Variants in NLGN1 observed in about 807,000 individuals in gnomAD.
NLGN1 encodes the protein neuroligin 1.
In NLGN1, 12 loss-of-function variants were observed where a neutral mutation model predicts 65.5. That is an observed-to-expected ratio of 0.18 (90% CI 0.12 to 0.30). The LOEUF (loss-of-function observed/expected upper bound fraction) is 0.30, where lower values mean the gene tolerates loss of function less well. NLGN1 is among the 10% of genes least tolerant of loss of function. NLGN1 has a pLI of 1.00. For synonymous variants in NLGN1, 350 were observed against 359.5 expected, an observed-to-expected ratio of 0.97 and a Z score of 0.30; for missense variants, 750 against 1,007.1, an observed-to-expected ratio of 0.74 and a Z score of 3.46.
chr3:173,422,139 CTA>C (rs66883688), intron 1 of NLGN1, among the ~76,000 whole-genome samples: 41,385 of 148,006 alleles, frequency 0.28, 5,824 homozygotes, highest in Middle Eastern at 0.4. Context: ...ATATAGTACA[CTA>C]TATATACACA....
intron 4 of NLGN1, among the ~76,000 whole-genome samples, chr3:174,222,064 G>A (rs1483752935): frequency 6.6e-6 from 1 of 151,976 alleles, no homozygotes; most frequent in Admixed American, 6.6e-5. Context: ...AATTTTGGGG[G>A]GAATCTATTC....
At chr3:173,739,236 G>A (rs954005090) in intron 3 of NLGN1, among the ~76,000 whole-genome samples, 3 of 152,096 alleles carry the variant, frequency 2.0e-5, no homozygotes, top group African/African-American at 7.2e-5. Context: ...AGACCACATT[G>A]TGGGGGCCAG....
At chr3:174,199,008 A>G (rs1263255277) in intron 4 of NLGN1, among the ~76,000 whole-genome samples, 1 of 151,912 alleles carries the variant, frequency 6.6e-6, no homozygotes, top group Non-Finnish European at 1.5e-5. Flanking sequence ...CCACCACGCC[A>G]GGCTAATTTT....
chr3:174,115,847 A>T (rs528464339), intron 4 of NLGN1, among the ~76,000 whole-genome samples: 2 of 152,318 alleles, frequency 1.3e-5, no homozygotes, highest in East Asian at 3.9e-4. Flanking sequence ...TTATTTGCTC[A>T]ATGAAGATGT....
At chr3:173,539,393 ACAT>A (rs982441649) in intron 2 of NLGN1, among the ~76,000 whole-genome samples, 4 of 146,828 alleles carry the variant, frequency 2.7e-5, no homozygotes, top group African/African-American at 9.9e-5. Context: ...TATATAAAAA[ACAT>A]ATATATGTTA....
intron 4 of NLGN1, among the ~76,000 whole-genome samples, chr3:174,101,325 C>T (rs554592784): frequency 3.0e-4 from 46 of 152,124 alleles, no homozygotes; most frequent in Non-Finnish European, 5.7e-4. Flanking sequence ...GAGCATGAGA[C>T]GAAAAATTGT....
chr3:173,605,733 A>T (rs1577497408), intron 3 of NLGN1, 140 bp downstream of exon 3: 8 of 403,726 alleles, frequency 2.0e-5, no homozygotes, highest in South Asian at 9.8e-5. Context: ...CTGTCAAGGA[A>T]TATAAAGGTG....
chr3:173,712,502 G>T (rs1347581596), intron 3 of NLGN1, among the ~76,000 whole-genome samples: 1 of 152,100 alleles, frequency 6.6e-6, no homozygotes, highest in African/African-American at 2.4e-5. Flanking sequence ...TTCTGGCTCT[G>T]CCACTGACTA....
At chr3:173,883,115 C>A (rs1733650620) in intron 4 of NLGN1, among the ~76,000 whole-genome samples, 1 of 149,938 alleles carries the variant, frequency 6.7e-6, no homozygotes, top group Admixed American at 6.7e-5. Flanking sequence ...TTCACCCTAT[C>A]TTGACTTTTA....
chr3:174,019,429 G>A (rs912590339), intron 4 of NLGN1, among the ~76,000 whole-genome samples: 1 of 152,094 alleles, frequency 6.6e-6, no homozygotes, highest in Non-Finnish European at 1.5e-5. Flanking sequence ...ATAACAGTAA[G>A]AAGGCCCTCA....
chr3:173,811,631 G>A (rs553944368), intron 4 of NLGN1, among the ~76,000 whole-genome samples: 1 of 151,072 alleles, frequency 6.6e-6, no homozygotes, highest in South Asian at 2.1e-4. Flanking sequence ...TACTTGATGT[G>A]TTCTTAAAGG....
At chr3:174,148,590 C>T (rs1723774433) in intron 4 of NLGN1, among the ~76,000 whole-genome samples, 1 of 152,082 alleles carries the variant, frequency 6.6e-6, no homozygotes, top group African/African-American at 2.4e-5. Context: ...TAATCGTCTC[C>T]TCCTAATTAA....
At chr3:173,961,526 A>G (rs1458493278) in intron 4 of NLGN1, among the ~76,000 whole-genome samples, 2 of 152,090 alleles carry the variant, frequency 1.3e-5, no homozygotes, top group East Asian at 1.9e-4. Flanking sequence ...TCATTGGAAT[A>G]TATGGATATG....
chr3:174,067,459 C>T lies in NLGN1; in HGVS notation c.647-207856C>T, dbSNP rs142938924. 2.6e-5 allele frequency among the ~76,000 whole-genome samples: 4 copies of T among 152,244 alleles called. No individual in the cohort carries two copies. The East Asian group carries it at 7.7e-4, about 29-fold the overall frequency. On this transcript the variant is annotated intron_variant, in intron 4 of 6. Transcript: ENST00000457714. ...AAATTAGAGAAGGTATTTACAGTGG[C>T]ATTTGTTTACAAAATGCAGCTTAAA...
intron 4 of NLGN1, among the ~76,000 whole-genome samples, chr3:173,965,707 A>G (rs1309890132): frequency 6.6e-6 from 1 of 152,144 alleles, no homozygotes; most frequent in East Asian, 1.9e-4. Flanking sequence ...TCTCTTTTTC[A>G]GGATCTTTTA....
At position 173,614,545 on chromosome 3, in the gene NLGN1, C is replaced by A. The variant is rs182434962; in HGVS notation, c.493+9454C>A. Among the ~76,000 whole-genome samples, 18 of 152,182 alleles carry A rather than the reference C, an allele frequency of 1.2e-4. No homozygotes were observed. In the East Asian group the frequency reaches 2.5e-3, roughly 21 times the overall value. Reference sequence around the variant, plus strand: ...TCCTGACAATGAGCAGGCCAGGCCTCAGTTTGCAATTCTGAGCTTTCATTA... The same window carrying A: ...TCCTGACAATGAGCAGGCCAGGCCTAAGTTTGCAATTCTGAGCTTTCATTA... On this transcript the variant is annotated intron_variant, in intron 3 of 6. Transcript: ENST00000457714.
At chr3:173,561,241 C>G (rs1404929849) in intron 2 of NLGN1, among the ~76,000 whole-genome samples, 1 of 152,206 alleles carries the variant, frequency 6.6e-6, no homozygotes, top group Non-Finnish European at 1.5e-5. Flanking sequence ...TCTGTTTTAG[C>G]AAGAAAACTA....
At chr3:173,888,850 T>C (rs1436967628) in intron 4 of NLGN1, among the ~76,000 whole-genome samples, 2 of 152,152 alleles carry the variant, frequency 1.3e-5, no homozygotes, top group East Asian at 3.9e-4. Flanking sequence ...GTTTTCATTT[T>C]GTTACCTTTA....
At chr3:174,238,322 T>C (rs1190505272) in intron 4 of NLGN1, among the ~76,000 whole-genome samples, 2 of 132,018 alleles carry the variant, frequency 1.5e-5, no homozygotes, top group African/African-American at 5.2e-5. Context: ...TTTTTTCTTT[T>C]TTATTTTTTT....
Sources: allele counts gnomAD v4.1 joint callset (sites outside exome capture counted in the v4.1 genomes callset), GRCh38; gene constraint gnomAD v4.1.1; transcripts MANE v1.5; gene names NCBI Gene and HGNC (gene_info 2026-07-23, HGNC 2026-07-21).